The following MSH4 variants were observed in gnomAD, a reference collection of about 807,000 sequenced individuals.
The protein encoded by MSH4 is mutS homolog 4.
In MSH4, 106 loss-of-function variants were observed where a neutral mutation model predicts 113.7. The observed-to-expected ratio is 0.93, with a 90% CI of 0.80 to 1.10. The LOEUF (loss-of-function observed/expected upper bound fraction) is 1.10, where lower values mean the gene tolerates loss of function less well. MSH4 is among the 50% of genes least tolerant of loss of function. The pLI, the probability that MSH4 is intolerant of heterozygous loss-of-function variation, is 0.00. For missense variants in MSH4, 1,061 were observed against 1,093.7 expected (o/e 0.97, Z 0.42); for synonymous variants, 368 against 380.2 (o/e 0.97, Z 0.37).
intron 15 of MSH4, among the ~76,000 whole-genome samples, chr1:75,887,062 C>T (rs1425569811): frequency 6.6e-6 from 1 of 151,766 alleles, no homozygotes; most frequent in Non-Finnish European, 1.5e-5. Flanking sequence ...CAGTATAAAT[C>T]CTTTACCTTA....
At chr1:75,805,548 C>T (rs1420549401) in intron 2 of MSH4, among the ~76,000 whole-genome samples, 2 of 56,714 alleles carry the variant, frequency 3.5e-5, no homozygotes, top group South Asian at 2.3e-3. Context: ...TCACCATGCT[C>T]AGCCAATTTT....
At chr1:75,856,463 G>T (rs1651320829) in intron 8 of MSH4, among the ~76,000 whole-genome samples, 1 of 152,100 alleles carries the variant, frequency 6.6e-6, no homozygotes, top group Non-Finnish European at 1.5e-5. Flanking sequence ...ACAGGCCCCG[G>T]TGTGTGGTGT....
intron 17 of MSH4, among the ~76,000 whole-genome samples, chr1:75,891,063 C>G (rs1652240355): frequency 6.6e-6 from 1 of 152,008 alleles, no homozygotes; most frequent in African/African-American, 2.4e-5. Context: ...CAAAATTAGT[C>G]AGTTGGCTTT....
intron 18 of MSH4, among the ~76,000 whole-genome samples, chr1:75,899,113 TC>T (rs1419376731): frequency 1.3e-5 from 2 of 152,146 alleles, no homozygotes; most frequent in East Asian, 3.9e-4. Flanking sequence ...AAAATTAAGC[TC>T]TAAAAACATG....
intron 7 of MSH4, among the ~76,000 whole-genome samples, chr1:75,824,567 A>G (rs1181557676): frequency 5.9e-5 from 9 of 152,092 alleles, no homozygotes; most frequent in Non-Finnish European, 2.9e-5. Flanking sequence ...CCTGAATGGT[A>G]TTGCCTAGGT....
intron 8 of MSH4, among the ~76,000 whole-genome samples, chr1:75,857,478 A>G (rs947130264): frequency 1.3e-5 from 2 of 152,184 alleles, no homozygotes; most frequent in East Asian, 3.8e-4. Flanking sequence ...GGTGTAACGA[A>G]GGGGTCTAGT....
intron 15 of MSH4, among the ~76,000 whole-genome samples, chr1:75,884,073 C>G (rs1214271279): frequency 6.6e-6 from 1 of 152,114 alleles, no homozygotes; most frequent in African/African-American, 2.4e-5. Flanking sequence ...AACATTCTTA[C>G]TATAACTATT....
chr1:75,867,728 A>G (rs1451114968), intron 9 of MSH4, 140 bp downstream of exon 9: 26 of 594,052 alleles, frequency 4.4e-5, no homozygotes, highest in African/African-American at 3.8e-5. Flanking sequence ...CATACTTTAC[A>G]TACACATACA....
intron 7 of MSH4, among the ~76,000 whole-genome samples, chr1:75,823,847 G>A (rs1473459377): frequency 3.9e-5 from 6 of 152,150 alleles, no homozygotes; most frequent in Admixed American, 3.9e-4. Context: ...TGGTGTATAT[G>A]TGCCACATTT....
At chr1:75,864,545 G>A (rs5745420) in intron 8 of MSH4, among the ~76,000 whole-genome samples, 204 of 152,244 alleles carry the variant, frequency 1.3e-3, no homozygotes, top group Admixed American at 3.3e-3. Context: ...TTTAGCCGTA[G>A]CATTTTAATA....
Position 75,860,707 on chromosome 1 carries a change from T to C in MSH4, c.1231-6807T>C, listed in dbSNP as rs182420065. ...GCTGCCCTTAACATTTTTTCCTTCA[T>C]TTCAACCTTGGTGAATCTGCCAATT... On this transcript the variant is annotated intron_variant, in intron 8 of 19. Transcript: ENST00000263187. 1.8e-3 allele frequency among the ~76,000 whole-genome samples: 273 copies of C among 152,332 alleles called. 3 individuals carry two copies. Among genetic ancestry groups the C allele is most frequent in the African/African-American group, 6.3e-3 (262 of 41,572 alleles).
At chr1:75,902,576 T>A (rs933254970) in intron 19 of MSH4, among the ~76,000 whole-genome samples, 1 of 150,614 alleles carries the variant, frequency 6.6e-6, no homozygotes, top group Non-Finnish European at 1.5e-5. Flanking sequence ...GTTTTCTTTA[T>A]GCAGTCAACT....
chr1:75,878,921 A>G lies in MSH4; in HGVS notation c.1541-71A>G, dbSNP rs1651872269. The G allele has an allele frequency of 3.0e-6, 4 of 1,352,962 alleles. No individual in the cohort carries two copies. In the South Asian group the frequency reaches 5.1e-5, roughly 17 times the overall value. 83.8% of individuals were successfully genotyped at this position (1,352,962 alleles called of 1,614,324 possible). A position where few individuals can be genotyped will look rare whatever the true frequency, so the allele number is the denominator to read the frequency against. On this transcript the variant is annotated intron_variant, in intron 11 of 19. Transcript: ENST00000263187. The stretch of plus-strand genomic sequence containing the variant: ...TTTAAAAACCATGTGACTCTTTAAA[A>G]CAGAGTGATTTTTCTCATTAAAATT...
Position 75,897,888 on chromosome 1 carries a change from T to A in MSH4, c.2356-19T>A. The A allele has an allele frequency of 7.2e-7, 1 of 1,394,584 alleles. No individual in the cohort carries two copies. Among genetic ancestry groups the A allele is most frequent in the Non-Finnish European group, 9.4e-7 (1 of 1,060,162 alleles). The allele number at this position is 1,394,584 out of a possible 1,614,324, so 86.4% of individuals were successfully genotyped here. A position where few individuals can be genotyped will look rare whatever the true frequency, so the allele number is the denominator to read the frequency against. ...TAATTTTTAAAGTACTAATATTCAT[T>A]GTCTGTTATATATTCCAGGCATTTA... On this transcript the variant is annotated intron_variant, in intron 17 of 19. Coordinates refer to ENST00000263187, the MANE Select transcript of MSH4 (RefSeq NM_002440.4).
intron 7 of MSH4, among the ~76,000 whole-genome samples, chr1:75,847,811 T>A (rs1052288494): frequency 6.6e-6 from 1 of 152,196 alleles, no homozygotes; most frequent in African/African-American, 2.4e-5. Context: ...GTTAACTCAC[T>A]CATCACGGTA....
At chr1:75,890,975 C>G in intron 17 of MSH4, 151 bp downstream of exon 17, 1 of 672,480 alleles carries the variant, frequency 1.5e-6, no homozygotes, top group Non-Finnish European at 2.2e-6. Context: ...TCCTTCATTT[C>G]CAATGAAAGT....
rs565866003 is a variant in MSH4 at position 75,796,944 on chromosome 1, T to C, written c.-42T>C. On this transcript the variant is annotated 5_prime_UTR_variant, in exon 1 of 20. Transcript: ENST00000263187. The stretch of plus-strand genomic sequence containing the variant: ...GTAGTTGGGCTACTGGAGGGGTCGC[T>C]CAGAAACCTCATACTTCTCGGGTCA... 5 of 1,609,610 alleles carry C rather than the reference T, an allele frequency of 3.1e-6. No homozygotes were observed. Among genetic ancestry groups the C allele is most frequent in the East Asian group, 2.2e-5 (1 of 44,812 alleles).
intron 6 of MSH4, among the ~76,000 whole-genome samples, chr1:75,817,765 C>T (rs1286435950): frequency 1.4e-5 from 2 of 143,650 alleles, no homozygotes; most frequent in African/African-American, 2.6e-5. Context: ...TTTATGTGTG[C>T]CCCTTACCTC....
chr1:75,835,426 C>T (rs1180184253), intron 7 of MSH4, among the ~76,000 whole-genome samples: 2 of 152,140 alleles, frequency 1.3e-5, no homozygotes, highest in African/African-American at 2.4e-5. Flanking sequence ...TAGTGTAATA[C>T]GTAAGTGCCA....
Sources: allele counts gnomAD v4.1 joint callset (sites outside exome capture counted in the v4.1 genomes callset), GRCh38; gene constraint gnomAD v4.1.1; transcripts MANE v1.5; gene names NCBI Gene and HGNC (gene_info 2026-07-23, HGNC 2026-07-21).